PDE10A: variants seen among roughly 807,000 people sequenced by gnomAD.
PDE10A encodes phosphodiesterase 10A, also known as cAMP and cAMP-inhibited cGMP 3',5'-cyclic phosphodiesterase 10A.
In PDE10A, 39 loss-of-function variants were observed where a neutral mutation model predicts 97.7. The observed-to-expected ratio is 0.40, with a 90% CI of 0.31 to 0.52. The LOEUF (loss-of-function observed/expected upper bound fraction) is 0.52. PDE10A is among the 20% of genes least tolerant of loss of function. The probability of loss-of-function intolerance (pLI) is 0.56; values close to 1 mark genes in which losing one functional copy is unlikely to be tolerated. For synonymous variants in PDE10A, 371 were observed against 376.8 expected (o/e 0.98, Z 0.18); for missense variants, 731 against 1,047.8 (o/e 0.70, Z 4.17).
At chr6:165,687,829 C>A (rs1375920495) in intron 1 of PDE10A, among the ~76,000 whole-genome samples, 1 of 152,162 alleles carries the variant, frequency 6.6e-6, no homozygotes, top group Admixed American at 6.5e-5. Context: ...TAAGCCCTTC[C>A]CAAACTTTCG....
chr6:165,693,895 T>G (rs866203438), intron 1 of PDE10A, among the ~76,000 whole-genome samples: 15 of 152,314 alleles, frequency 9.8e-5, no homozygotes, highest in Middle Eastern at 6.8e-3. Flanking sequence ...CCATAAATGC[T>G]CATACACAGT....
At chr6:165,958,622 G>GAAGA (rs1784246500) in intron 1 of PDE10A, among the ~76,000 whole-genome samples, 1 of 150,090 alleles carries the variant, frequency 6.7e-6, no homozygotes, top group Admixed American at 6.6e-5. Context: ...AGGAAGGAAG[G>GAAGA]AATGAAGGAA....
At chr6:165,875,934 G>A (rs1781334164) in intron 1 of PDE10A, among the ~76,000 whole-genome samples, 1 of 152,158 alleles carries the variant, frequency 6.6e-6, no homozygotes. Flanking sequence ...CTGATAAAAA[G>A]CCCATGACTG....
rs1307604424 is a variant in PDE10A, at chr6:165,413,662, T to C, written c.1915A>G (p.Thr639Ala). 1 of 1,613,904 alleles carries C rather than the reference T, an allele frequency of 6.2e-7. No homozygotes were observed. Among genetic ancestry groups the C allele is most frequent in the Non-Finnish European group, 8.5e-7 (1 of 1,179,950 alleles). Reference protein sequence around the residue: ...NREVDLYTGYTTRNILCMPIV... With the variant: ...NREVDLYTGYATRNILCMPIV... ...GGCATGCACAGGATGTTCCGCGTGG[T>C]GTAGCCTGTGTACAAGTCTACTTCT... is the stretch of plus-strand genomic sequence containing the variant. The change falls in exon 13 of 22, where the codon ACC becomes GCC. Residue 639 changes from threonine (T) to alanine (A), a missense_variant. Coordinates refer to ENST00000539869, the MANE Select transcript of PDE10A (RefSeq NM_001385079.1).
chr6:165,488,706 G>T (rs1583391773), intron 2 of PDE10A, among the ~76,000 whole-genome samples: 1 of 152,254 alleles, frequency 6.6e-6, no homozygotes, highest in East Asian at 1.9e-4. Flanking sequence ...CAAGTTCTCA[G>T]CCCTGCTCAC....
chr6:165,772,409 C>G (rs1187655111), intron 1 of PDE10A, among the ~76,000 whole-genome samples: 5 of 152,174 alleles, frequency 3.3e-5, no homozygotes, highest in African/African-American at 1.2e-4. Context: ...CTTCCAAGCC[C>G]CATTGTTTCC....
rs368747580 is a variant in PDE10A at position 165,896,960 on chromosome 6, ACCC to A, written c.-615+90566_-615+90568del. The stretch of plus-strand genomic sequence containing the variant: ...GCTGGGATTACATGCATGAGCCACC[ACCC>A]CTGGCCTCAGTAAATATTTTAAGTG... On this transcript the variant is annotated intron_variant, in intron 1 of 19. Transcript: ENST00000366882. Among the ~76,000 whole-genome samples, 449 of 152,068 alleles carry A rather than the reference ACCC, an allele frequency of 3.0e-3. 6 individuals carry two copies. The highest frequency in any genetic ancestry group is 0.01 in the African/African-American group (433 of 41,494).
chr6:165,779,553 T>C (rs1435205489), intron 1 of PDE10A, among the ~76,000 whole-genome samples: 1 of 152,254 alleles, frequency 6.6e-6, no homozygotes, highest in Non-Finnish European at 1.5e-5. Flanking sequence ...AAATGTAATT[T>C]AATGCCTTTT....
In PDE10A at chr6:165,909,444, A is replaced by G. The variant is rs373954283; in HGVS notation, c.-615+78085T>C. On this transcript the variant is annotated intron_variant, in intron 1 of 19. Transcript: ENST00000366882. ...ACTCGGACACCGTAGCTTAGGACAA[A>G]TAGGAGATACAATAGAAAATGGCTT... 4.6e-5 allele frequency among the ~76,000 whole-genome samples: 7 copies of G among 152,354 alleles called. No homozygotes were observed. The South Asian group carries it at 1.0e-3, about 23-fold the overall frequency.
chr6:165,952,170 C>T (rs150300348), intron 1 of PDE10A, among the ~76,000 whole-genome samples: 3 of 152,374 alleles, frequency 2.0e-5, no homozygotes, highest in East Asian at 1.9e-4. Flanking sequence ...GGCTCCGGAA[C>T]GCCTCTCAGC....
intron 1 of PDE10A, among the ~76,000 whole-genome samples, chr6:165,827,449 A>G (rs955097172): frequency 4.6e-5 from 7 of 152,206 alleles, no homozygotes; most frequent in African/African-American, 1.2e-4. Context: ...CTCCAATTCA[A>G]CAAAACGAAC....
chr6:165,695,209 C>CAAAAAA (rs71029559), intron 1 of PDE10A, among the ~76,000 whole-genome samples: 1 of 123,590 alleles, frequency 8.1e-6, no homozygotes, highest in Non-Finnish European at 1.7e-5. Flanking sequence ...TGAAAACTAC[C>CAAAAAA]AAAAAAAAAA....
At chr6:165,556,008 C>CA (rs1784232925) in intron 1 of PDE10A, among the ~76,000 whole-genome samples, 1 of 151,768 alleles carries the variant, frequency 6.6e-6, no homozygotes, top group Non-Finnish European at 1.5e-5. Context: ...AGACGAACTG[C>CA]ATAGCCTACA....
At chr6:165,785,431 G>A (rs1446929857) in intron 1 of PDE10A, among the ~76,000 whole-genome samples, 1 of 152,194 alleles carries the variant, frequency 6.6e-6, no homozygotes, top group African/African-American at 2.4e-5. Context: ...TAACTCAAGA[G>A]GGTGCTTGAT....
chr6:165,379,612 T>C (rs1321996425), intron 17 of PDE10A, among the ~76,000 whole-genome samples: 1 of 152,142 alleles, frequency 6.6e-6, no homozygotes, highest in Non-Finnish European at 1.5e-5. Context: ...TATAATAACA[T>C]CATTTACTAC....
At chr6:165,952,896 G>A (rs781656209) in intron 1 of PDE10A, among the ~76,000 whole-genome samples, 56 of 151,374 alleles carry the variant, frequency 3.7e-4, no homozygotes, top group Non-Finnish European at 7.2e-4. Context: ...CTAACCAAAA[G>A]TAGTTGTGGT....
At chr6:165,793,820 G>A (rs1046062290) in intron 1 of PDE10A, among the ~76,000 whole-genome samples, 4 of 152,288 alleles carry the variant, frequency 2.6e-5, no homozygotes, top group East Asian at 1.9e-4. Flanking sequence ...AAAATTCATC[G>A]GAGGACAAGG....
At chr6:165,860,180 G>A (rs71571423) in intron 1 of PDE10A, among the ~76,000 whole-genome samples, 5,457 of 152,248 alleles carry the variant, frequency 0.036, 115 homozygotes, top group Middle Eastern at 0.054. Flanking sequence ...GTGGCCGGGC[G>A]CAGTGGCTCA....
intron 6 of PDE10A, among the ~76,000 whole-genome samples, chr6:165,433,399 C>A (rs220826): frequency 7.4e-4 from 113 of 152,168 alleles, no homozygotes; most frequent in Non-Finnish European, 1.2e-3. Context: ...TTTCATATGA[C>A]AATAAAAAAA....
Sources: allele counts gnomAD v4.1 joint callset (sites outside exome capture counted in the v4.1 genomes callset), GRCh38; gene constraint gnomAD v4.1.1; transcripts MANE v1.5; gene names NCBI Gene and HGNC (gene_info 2026-07-23, HGNC 2026-07-21).